Variants in AKT3 observed in about 807,000 individuals in gnomAD.
AKT3 encodes RAC-gamma serine/threonine-protein kinase.
A neutral mutation model predicts 65.3 loss-of-function variants in AKT3; 15 were observed. The observed-to-expected ratio is 0.23, with a 90% CI of 0.15 to 0.35. The LOEUF is 0.35. Among genes scored for constraint, AKT3 ranks in the 10% least tolerant of loss-of-function variants. AKT3 has a pLI of 1.00. For synonymous variants in AKT3, 206 were observed against 183.8 expected, an observed-to-expected ratio of 1.12 and a Z score of -0.98; for missense variants, 243 against 576.5, an observed-to-expected ratio of 0.42 and a Z score of 5.92.
intron 6 of AKT3, among the ~76,000 whole-genome samples, chr1:243,631,693 C>G (rs1362109390): frequency 2.6e-5 from 4 of 152,224 alleles, no homozygotes; most frequent in Non-Finnish European, 4.4e-5. Flanking sequence ...CACAGCACAA[C>G]TTTCTTCACA....
chr1:243,701,209 T>G (rs1444052737), intron 2 of AKT3, among the ~76,000 whole-genome samples: 1 of 152,228 alleles, frequency 6.6e-6, no homozygotes, highest in African/African-American at 2.4e-5. Context: ...GTCTTTCATC[T>G]AGAATAACTA....
chr1:243,497,146 G>A (rs187024888), downstream of AKT3, among the ~76,000 whole-genome samples: 7 of 152,260 alleles, frequency 4.6e-5, no homozygotes, highest in African/African-American at 1.2e-4. Flanking sequence ...AATAAGCATC[G>A]TGGATATCCC....
chr1:243,760,617 A>G lies in AKT3; in HGVS notation c.47-64901T>C, dbSNP rs377061602. 4.6e-5 allele frequency among the ~76,000 whole-genome samples: 7 copies of G among 152,288 alleles called. No homozygotes were observed. In the East Asian group the frequency reaches 7.7e-4, roughly 17 times the overall value. On this transcript the variant is annotated intron_variant, in intron 2 of 13. Transcript: ENST00000673466. ...AAAAAATTTGAATAAACTGATGCCCATGTTCTCACATGAGGCTGAACAAGG... is the reference window on the plus strand; with the variant it reads ...AAAAAATTTGAATAAACTGATGCCCGTGTTCTCACATGAGGCTGAACAAGG...
At chr1:243,739,445 ATT>A (rs1483617565) in intron 2 of AKT3, 2 of 152,244 alleles carry the variant, frequency 1.3e-5, no homozygotes, top group African/African-American at 4.8e-5. Flanking sequence ...AGGAAAACAT[ATT>A]GTTTAAAATT....
intron 2 of AKT3, among the ~76,000 whole-genome samples, chr1:243,841,744 G>A (rs1017751862): frequency 5.3e-5 from 8 of 151,864 alleles, no homozygotes; most frequent in South Asian, 2.1e-4. Context: ...CTCTTTATTC[G>A]TACTAACCAA....
intron 9 of AKT3, among the ~76,000 whole-genome samples, chr1:243,567,070 A>G (rs1296720571): frequency 6.6e-6 from 1 of 152,182 alleles, no homozygotes; most frequent in Non-Finnish European, 1.5e-5. Flanking sequence ...GCTTGAGCTC[A>G]GGAGTTCAAG....
At chr1:243,555,437 A>C (rs190064402) in intron 10 of AKT3, among the ~76,000 whole-genome samples, 1 of 152,316 alleles carries the variant, frequency 6.6e-6, no homozygotes, top group East Asian at 1.9e-4. Flanking sequence ...AATACTTTCA[A>C]ATACTCTGGA....
rs552861827 is a variant in AKT3 at position 243,714,376 on chromosome 1, C to T, written c.47-18660G>A. 1.5e-3 allele frequency among the ~76,000 whole-genome samples: 231 copies of T among 152,280 alleles called. 1 individual carries two copies. The highest frequency in any genetic ancestry group is 5.3e-3 in the African/African-American group (221 of 41,548). On this transcript the variant is annotated intron_variant, in intron 2 of 13. Coordinates refer to ENST00000673466, the MANE Select transcript of AKT3 (RefSeq NM_005465.7). ...ATTTTTTCTTTAACTCAACAAAACA[C>T]TAATGAATACAAGTTCATTGGAGTG...
chr1:243,601,099 G>A (rs1210863500), intron 8 of AKT3, among the ~76,000 whole-genome samples: 2 of 152,076 alleles, frequency 1.3e-5, no homozygotes, highest in African/African-American at 2.4e-5. Flanking sequence ...GCATTAAAAT[G>A]CTGATTACAA....
chr1:243,519,998 CT>C (rs949268360), intron 12 of AKT3, among the ~76,000 whole-genome samples: 1 of 152,082 alleles, frequency 6.6e-6, no homozygotes, highest in Non-Finnish European at 1.5e-5. Flanking sequence ...TTTCCATGAA[CT>C]TTTTGAAGTC....
intron 2 of AKT3, among the ~76,000 whole-genome samples, chr1:243,812,128 T>C (rs1693199583): frequency 6.6e-6 from 1 of 152,158 alleles, no homozygotes; most frequent in Non-Finnish European, 1.5e-5. Flanking sequence ...ACTTCATGTC[T>C]AAAACACCAA....
chr1:243,624,057 C>T lies in AKT3; in HGVS notation c.562-8896G>A, dbSNP rs899504330. On this transcript the variant is annotated intron_variant, in intron 6 of 13. Transcript: ENST00000673466. ...TCTGAGTCTTGTGAGTCATGACTCA[C>T]TGAGCCTGAGAGTGGTCTTAGGGAC... 3.9e-5 allele frequency among the ~76,000 whole-genome samples: 6 copies of T among 152,278 alleles called. No individual in the cohort carries two copies. In the East Asian group the frequency reaches 9.6e-4, roughly 24 times the overall value.
chr1:243,613,647 T>C (rs372549090), intron 8 of AKT3, 24 bp downstream of exon 8: 351 of 1,535,334 alleles, frequency 2.3e-4, no homozygotes, highest in Non-Finnish European at 3.0e-4. Flanking sequence ...ACCATGCAAA[T>C]ACTGGATTTA....
chr1:243,792,295 A>G lies in AKT3; in HGVS notation c.46+50830T>C, dbSNP rs529985256. 1.3e-3 allele frequency among the ~76,000 whole-genome samples: 12 copies of G among 9,188 alleles called. No individual in the cohort carries two copies. The East Asian group carries it at 0.038, about 29-fold the overall frequency. The allele number at this position is 9,188 out of a possible 152,430, so 6.0% of individuals were successfully genotyped here. A position where few individuals can be genotyped will look rare whatever the true frequency, so the allele number is the denominator to read the frequency against. On this transcript the variant is annotated intron_variant, in intron 2 of 13. Transcript: ENST00000673466. ...ATTAATTTATTATTTGTGGGGAAAC[A>G]ATTTATTCACTTAACTCAAAAATAT...
intron 2 of AKT3, among the ~76,000 whole-genome samples, chr1:243,803,945 C>T (rs925558758): frequency 1.3e-5 from 2 of 152,134 alleles, no homozygotes; most frequent in Admixed American, 6.6e-5. Context: ...GACAGTGAGC[C>T]GTGATGACGT....
At chr1:243,622,158 A>G (rs1228199764) in intron 6 of AKT3, among the ~76,000 whole-genome samples, 3 of 152,156 alleles carry the variant, frequency 2.0e-5, no homozygotes, top group Non-Finnish European at 4.4e-5. Context: ...TAGCTATTCA[A>G]AGAATGTGTT....
intron 2 of AKT3, among the ~76,000 whole-genome samples, chr1:243,798,566 A>C (rs1446282535): frequency 6.6e-6 from 1 of 151,860 alleles, no homozygotes; most frequent in East Asian, 1.9e-4. Flanking sequence ...GATATTATCT[A>C]ATTTCCTACA....
intron 6 of AKT3, among the ~76,000 whole-genome samples, chr1:243,619,233 G>A (rs1469220494): frequency 1.3e-5 from 2 of 152,030 alleles, no homozygotes; most frequent in East Asian, 3.9e-4. Flanking sequence ...ATGTTTTTTC[G>A]ATACATAATA....
intron 6 of AKT3, among the ~76,000 whole-genome samples, chr1:243,629,898 A>G (rs1354988725): frequency 6.6e-6 from 1 of 152,180 alleles, no homozygotes; most frequent in Non-Finnish European, 1.5e-5. Context: ...AAATTCCAGA[A>G]AGAGCCATCC....
Sources: gnomAD v4.1 joint callset for allele counts (sites outside exome capture counted in the v4.1 genomes callset) on GRCh38, gnomAD v4.1.1 for gene constraint, MANE v1.5 for transcripts, NCBI Gene and HGNC (gene_info 2026-07-23, HGNC 2026-07-21) for gene names.